The following RPS6KC1 variants were observed in gnomAD, a reference collection of about 807,000 sequenced individuals.
RPS6KC1 encodes the protein inactive ribosomal protein S6 kinase delta-1.
In RPS6KC1, 54 loss-of-function variants were observed where a neutral mutation model predicts 103.8. The ratio of observed to expected loss-of-function variants is 0.52; its 90% CI spans 0.42 to 0.65. The LOEUF (loss-of-function observed/expected upper bound fraction) is 0.65, where lower values mean the gene tolerates loss of function less well. Ranked by LOEUF, RPS6KC1 falls within the 30% of genes least tolerant of loss-of-function variation. The pLI is 0.00. For synonymous variants in RPS6KC1, 439 were observed against 438.7 expected (o/e 1.00, Z -0.01); for missense variants, 1,151 against 1,253.8 (o/e 0.92, Z 1.24).
the RPS6KC1 span, among the ~76,000 whole-genome samples, chr1:213,854,566 C>CTT: frequency 0.03 from 1,821 of 61,520 alleles, 12 homozygotes; most frequent in East Asian, 0.049. Context: ...CTTTCTTTCT[C>CTT]TCTCTCTCTC....
the RPS6KC1 span, among the ~76,000 whole-genome samples, chr1:213,318,329 A>G: frequency 2.0e-5 from 3 of 152,380 alleles, no homozygotes; most frequent in South Asian, 2.1e-4. Context: ...ATGGGAGTTC[A>G]TGGTAGGCAT....
the RPS6KC1 span, among the ~76,000 whole-genome samples, chr1:213,639,075 G>A: frequency 7.2e-5 from 11 of 152,112 alleles, no homozygotes; most frequent in Non-Finnish European, 1.3e-4. Flanking sequence ...GTTTTGTAAG[G>A]CTTATTCCTA....
rs551749594 is a variant in RPS6KC1, at chr1:213,178,519, C to T, written c.1044+2027C>T. Among the ~76,000 whole-genome samples, 176 of 151,148 alleles carry T rather than the reference C, an allele frequency of 1.2e-3. 1 individual carries two copies. The highest frequency in any genetic ancestry group is 3.9e-3 in the African/African-American group (161 of 41,154). ...TTGTGCCACTGTACTGCAGCCTGGG[C>T]GACAGACTGAGACTCTGTCTCAAAA... On this transcript the variant is annotated intron_variant, in intron 8 of 14. Transcript: ENST00000366960.
chr1:213,753,450 A>G, the RPS6KC1 span, among the ~76,000 whole-genome samples: 1 of 152,104 alleles, frequency 6.6e-6, no homozygotes, highest in Non-Finnish European at 1.5e-5. Flanking sequence ...AGCTACAGAC[A>G]CATCCTTTGG....
chr1:213,858,111 A>C, the RPS6KC1 span, among the ~76,000 whole-genome samples: 1 of 152,226 alleles, frequency 6.6e-6, no homozygotes, highest in East Asian at 1.9e-4. Context: ...ATTAAGCAAG[A>C]TATGCGTATC....
At chr1:213,341,086 A>G in the RPS6KC1 span, among the ~76,000 whole-genome samples, 1 of 152,248 alleles carries the variant, frequency 6.6e-6, no homozygotes, top group Admixed American at 6.5e-5. Context: ...GACAGCAGAT[A>G]TAAAACCATC....
chr1:213,858,471 C>T, the RPS6KC1 span, among the ~76,000 whole-genome samples: 9 of 152,194 alleles, frequency 5.9e-5, no homozygotes, highest in South Asian at 4.2e-4. Flanking sequence ...TTTCAGGGTT[C>T]GTTGTCCCAG....
the RPS6KC1 span, among the ~76,000 whole-genome samples, chr1:213,769,807 G>T: frequency 6.6e-6 from 1 of 152,134 alleles, no homozygotes; most frequent in Admixed American, 6.5e-5. Flanking sequence ...GCAATAATAT[G>T]CTTTGTTATA....
intron 4 of RPS6KC1, among the ~76,000 whole-genome samples, chr1:213,115,623 C>T (rs2083506475): frequency 6.6e-6 from 1 of 151,888 alleles, no homozygotes; most frequent in African/African-American, 2.4e-5. Context: ...TCTTGCTTTT[C>T]TAGTTCTTTT....
intron 14 of RPS6KC1, among the ~76,000 whole-genome samples, chr1:213,270,136 C>A (rs972916389): frequency 1.3e-5 from 2 of 152,136 alleles, no homozygotes; most frequent in African/African-American, 2.4e-5. Context: ...GGAGGACTTA[C>A]ACTATCTGAT....
intron 4 of RPS6KC1, among the ~76,000 whole-genome samples, 190 bp from the exon 5 acceptor site, chr1:213,117,127 G>T (rs1008864831): frequency 1.3e-5 from 2 of 152,072 alleles, no homozygotes; most frequent in Admixed American, 6.6e-5. Context: ...TTGGGTTGGT[G>T]TAGTACGTTT....
the RPS6KC1 span, among the ~76,000 whole-genome samples, chr1:213,472,229 C>T: frequency 6.6e-6 from 1 of 152,102 alleles, no homozygotes; most frequent in Non-Finnish European, 1.5e-5. Flanking sequence ...AAATCAATTG[C>T]TAATTAAATT....
intron 1 of RPS6KC1, among the ~76,000 whole-genome samples, chr1:213,054,596 TC>T (rs1359663964): frequency 6.6e-6 from 1 of 152,250 alleles, no homozygotes; most frequent in Admixed American, 6.5e-5. Flanking sequence ...ATATTTTTGA[TC>T]CTTGCAGGGT....
the RPS6KC1 span, among the ~76,000 whole-genome samples, chr1:213,486,489 A>C: frequency 1.3e-5 from 2 of 152,100 alleles, no homozygotes; most frequent in African/African-American, 4.8e-5. Context: ...CAGGTAAGAG[A>C]GGGCCAGAGA....
the RPS6KC1 span, among the ~76,000 whole-genome samples, chr1:213,589,720 A>G: frequency 6.6e-6 from 1 of 151,914 alleles, no homozygotes; most frequent in African/African-American, 2.4e-5. Flanking sequence ...CCCTCAGATC[A>G]TCATGTTTCC....
intron 1 of RPS6KC1, among the ~76,000 whole-genome samples, chr1:213,064,389 G>C (rs1357814151): frequency 6.9e-6 from 1 of 145,922 alleles, no homozygotes; most frequent in Non-Finnish European, 1.5e-5. Flanking sequence ...TTTTTTGAGG[G>C]GTTGTTTCAC....
chr1:213,674,948 G>T, the RPS6KC1 span, among the ~76,000 whole-genome samples: 2 of 152,172 alleles, frequency 1.3e-5, no homozygotes, highest in Non-Finnish European at 2.9e-5. Context: ...TTTGAGAAGT[G>T]TCTGTTCGTG....
the RPS6KC1 span, chr1:213,794,313 T>C: frequency 6.6e-6 from 1 of 152,188 alleles, no homozygotes; most frequent in Non-Finnish European, 1.5e-5. Flanking sequence ...GAGACTGTTG[T>C]TTCTCATAAT....
chr1:213,099,590 A>C (rs2081828113), intron 3 of RPS6KC1, among the ~76,000 whole-genome samples: 1 of 152,200 alleles, frequency 6.6e-6, no homozygotes, highest in African/African-American at 2.4e-5. Flanking sequence ...ATACCTGTAT[A>C]ACCCAAACCC....
Sources: allele counts gnomAD v4.1 joint callset (sites outside exome capture counted in the v4.1 genomes callset), GRCh38; gene constraint gnomAD v4.1.1; transcripts MANE v1.5; gene names NCBI Gene and HGNC (gene_info 2026-07-23, HGNC 2026-07-21).